The following FKTN variants were observed in gnomAD, a reference collection of about 807,000 sequenced individuals.
FKTN encodes ribitol-5-phosphate transferase FKTN.
Under a neutral mutation model 58.6 loss-of-function variants are expected in FKTN, and 47 were observed. The observed-to-expected ratio is 0.80, with a 90% CI of 0.63 to 1.02. The LOEUF (loss-of-function observed/expected upper bound fraction) is 1.02, where lower values mean the gene tolerates loss of function less well. Ranked by LOEUF, FKTN falls within the 50% of genes least tolerant of loss-of-function variation. The pLI is 0.00. For synonymous variants in FKTN, 178 were observed against 191.9 expected, an observed-to-expected ratio of 0.93 and a Z score of 0.60; for missense variants, 516 against 537.3, an observed-to-expected ratio of 0.96 and a Z score of 0.39.
intron 8 of FKTN, 139 bp downstream of exon 8, chr9:105,615,546 A>C: frequency 1.2e-6 from 1 of 802,078 alleles, no homozygotes; most frequent in Non-Finnish European, 2.2e-6. Context: ...TGCATGCAGC[A>C]AGGATCTATT....
At chr9:105,608,417 T>A (rs1029676575) in intron 7 of FKTN, among the ~76,000 whole-genome samples, 1 of 152,204 alleles carries the variant, frequency 6.6e-6, no homozygotes, top group Non-Finnish European at 1.5e-5. Context: ...AAAGACCAGG[T>A]GCTTTTAAAA....
chr9:105,634,927 C>T lies in FKTN; in HGVS notation c.1173-124C>T, dbSNP rs1187830502. 3.7e-6 allele frequency: 3 copies of T among 811,966 alleles called. No individual in the cohort carries two copies. In the African/African-American group the frequency reaches 5.1e-5, roughly 14 times the overall value. 50.3% of individuals were successfully genotyped at this position (811,966 alleles called of 1,614,324 possible). A position where few individuals can be genotyped will look rare whatever the true frequency, so the allele number is the denominator to read the frequency against. On this transcript the variant is annotated intron_variant, in intron 10 of 10. Coordinates refer to ENST00000357998, the MANE Select transcript of FKTN (RefSeq NM_001079802.2). ...GGACAGTCAAAAATAATTAAATATC[C>T]ACTCTCTTCCCAAAGCTGTGTAATG...
At chr9:105,560,622 T>A (rs928639075) in intron 1 of FKTN, among the ~76,000 whole-genome samples, 2 of 152,194 alleles carry the variant, frequency 1.3e-5, no homozygotes, top group Non-Finnish European at 2.9e-5. Flanking sequence ...TTGGGAACAT[T>A]CATCCAGATT....
At chr9:105,575,742 T>C (rs574117719) in intron 3 of FKTN, among the ~76,000 whole-genome samples, 1 of 152,268 alleles carries the variant, frequency 6.6e-6, no homozygotes, top group African/African-American at 2.4e-5. Context: ...CTAAAAACAA[T>C]CATGGGGAAG....
rs78794935 is a variant in FKTN, at chr9:105,575,074, G to T, written c.42G>T (p.Thr14=). The change falls in exon 3 of 11, where the codon ACG becomes ACT. Residue 14 remains threonine, a synonymous_variant. Transcript: ENST00000357998. ...INKNVVLALL[T]LTSSAFLLFQ... The stretch of plus-strand genomic sequence containing the variant: ...AGAACGTGGTTTTGGCCCTTTTAAC[G>T]CTGACAAGTTCTGCATTTCTGCTGT... 3.7e-6 allele frequency: 6 copies of T among 1,612,142 alleles called. No homozygotes were observed. Among genetic ancestry groups the T allele is most frequent in the Admixed American group, 1.7e-5 (1 of 59,992 alleles).
In FKTN at chr9:105,635,479, A is replaced by G; in HGVS notation, c.*215A>G. On this transcript the variant is annotated 3_prime_UTR_variant, in exon 11 of 11. Transcript: ENST00000357998. ...ATGCTAGGTTACAGTGGAGAAGCCTAGATGAATGAGACAAATACCTACTTC... is the reference window on the plus strand; with the variant it reads ...ATGCTAGGTTACAGTGGAGAAGCCTGGATGAATGAGACAAATACCTACTTC... The G allele has an allele frequency of 7.0e-7, 1 of 1,422,946 alleles. No individual in the cohort carries two copies. The highest frequency in any genetic ancestry group is 9.1e-7 in the Non-Finnish European group (1 of 1,094,380). The allele number at this position is 1,422,946 out of a possible 1,614,324, so 88.1% of individuals were successfully genotyped here.
At position 105,620,261 on chromosome 9, in the gene FKTN, T is replaced by G. The variant is rs1035461564; in HGVS notation, c.1172+200T>G. ...GTAAGGACGGTTTGTGAGGAGGAAG[T>G]GTCCCTGGGTTTGTCAGTCCAAGTT... On this transcript the variant is annotated intron_variant, in intron 10 of 10. Transcript: ENST00000357998. 2.5e-4 allele frequency: 125 copies of G among 493,200 alleles called. 2 individuals carry two copies. Among genetic ancestry groups the G allele is most frequent in the South Asian group, 2.0e-3 (94 of 46,888 alleles). 30.6% of individuals were successfully genotyped at this position (493,200 alleles called of 1,614,324 possible). A position where few individuals can be genotyped will look rare whatever the true frequency, so the allele number is the denominator to read the frequency against.
At chr9:105,612,015 GTTTATTTTAT>G (rs563944050) in intron 7 of FKTN, among the ~76,000 whole-genome samples, 48 of 151,466 alleles carry the variant, frequency 3.2e-4, no homozygotes, top group South Asian at 1.1e-3. Flanking sequence ...AATATCTGGG[GTTTATTTTAT>G]TTTATTTTAT....
At chr9:105,569,372 A>G (rs1410013952) in intron 1 of FKTN, among the ~76,000 whole-genome samples, 2 of 152,094 alleles carry the variant, frequency 1.3e-5, no homozygotes, top group Non-Finnish European at 2.9e-5. Context: ...TTGAACTCCA[A>G]ATCCTGTACC....
At chr9:105,565,795 G>A (rs544980181) in intron 1 of FKTN, among the ~76,000 whole-genome samples, 6 of 152,044 alleles carry the variant, frequency 3.9e-5, no homozygotes, top group Non-Finnish European at 8.8e-5. Context: ...TGCAGCAAGT[G>A]GACCTAATAG....
intron 3 of FKTN, among the ~76,000 whole-genome samples, chr9:105,590,231 T>C (rs1844629126): frequency 6.6e-6 from 1 of 152,148 alleles, no homozygotes; most frequent in Non-Finnish European, 1.5e-5. Context: ...ATAAGTCTCA[T>C]GAGAGCTGAT....
chr9:105,632,864 G>T (rs1383431276), intron 10 of FKTN, among the ~76,000 whole-genome samples: 1 of 152,140 alleles, frequency 6.6e-6, no homozygotes, highest in African/African-American at 2.4e-5. Flanking sequence ...CAATCCCAGG[G>T]CCTTAAAGTA....
chr9:105,617,562 G>A (rs1831040851), intron 8 of FKTN, among the ~76,000 whole-genome samples: 1 of 152,112 alleles, frequency 6.6e-6, no homozygotes, highest in Non-Finnish European at 1.5e-5. Context: ...TGTTATTAAA[G>A]CTAATGGTTT....
At chr9:105,633,937 G>A (rs890957600) in intron 10 of FKTN, among the ~76,000 whole-genome samples, 1 of 151,794 alleles carries the variant, frequency 6.6e-6, no homozygotes, top group African/African-American at 2.4e-5. Flanking sequence ...CTCTGCTATT[G>A]CCACTTTAAA....
At chr9:105,600,296 G>A (rs1253903519) in intron 4 of FKTN, among the ~76,000 whole-genome samples, 1 of 151,980 alleles carries the variant, frequency 6.6e-6, no homozygotes, top group Non-Finnish European at 1.5e-5. Flanking sequence ...ATATTTTTAT[G>A]AGTTCCTTCA....
intron 3 of FKTN, among the ~76,000 whole-genome samples, chr9:105,585,144 G>C (rs1374781192): frequency 6.6e-6 from 1 of 152,116 alleles, no homozygotes; most frequent in African/African-American, 2.4e-5. Context: ...TTTAAAAATA[G>C]TAAGGAGACC....
rs1237339270 is a variant in FKTN, at chr9:105,617,875, AT to A, written c.911-83del. 1.5e-5 allele frequency: 14 copies of A among 920,868 alleles called. No homozygotes were observed. The Admixed American group carries it at 2.8e-4, about 18-fold the overall frequency. 57.0% of individuals were successfully genotyped at this position (920,868 alleles called of 1,614,324 possible). ...GTCTCTTTAAAAAAAAAGAAAAAAA[AT>A]CCTTGTTACAAATATAATTTGTTAT... On this transcript the variant is annotated intron_variant, in intron 8 of 10. Transcript: ENST00000357998.
intron 3 of FKTN, among the ~76,000 whole-genome samples, chr9:105,589,295 C>T (rs960253391): frequency 2.0e-5 from 3 of 152,050 alleles, no homozygotes; most frequent in Non-Finnish European, 2.9e-5. Context: ...GTCAGGAGTT[C>T]GAGACCAGCC....
At chr9:105,630,776 T>G (rs1588291182) in intron 10 of FKTN, among the ~76,000 whole-genome samples, 1 of 152,268 alleles carries the variant, frequency 6.6e-6, no homozygotes, top group South Asian at 2.1e-4. Context: ...TAGATGACAT[T>G]AACATTTTTT....
Sources: allele counts gnomAD v4.1 joint callset (sites outside exome capture counted in the v4.1 genomes callset), GRCh38; gene constraint gnomAD v4.1.1; transcripts MANE v1.5; gene names NCBI Gene and HGNC (gene_info 2026-07-23, HGNC 2026-07-21).